DSCAM: variants seen among roughly 807,000 people sequenced by gnomAD.
The protein encoded by DSCAM is DS cell adhesion molecule.
In DSCAM, 47 loss-of-function variants were observed where a neutral mutation model predicts 217.7. The ratio of observed to expected loss-of-function variants is 0.22; its 90% CI spans 0.17 to 0.28. The LOEUF (loss-of-function observed/expected upper bound fraction) is 0.28, where lower values mean the gene tolerates loss of function less well. Ranked by LOEUF, DSCAM falls within the 10% of genes least tolerant of loss-of-function variation. The pLI, the probability that DSCAM is intolerant of heterozygous loss-of-function variation, is 1.00. For synonymous variants in DSCAM, 1,056 were observed against 1,015.3 expected, an observed-to-expected ratio of 1.04 and a Z score of -0.76; for missense variants, 2,080 against 2,618.3, an observed-to-expected ratio of 0.79 and a Z score of 4.49.
At chr21:40,823,967 A>G (rs1383858839) in intron 1 of DSCAM, among the ~76,000 whole-genome samples, 1 of 152,172 alleles carries the variant, frequency 6.6e-6, no homozygotes, top group Non-Finnish European at 1.5e-5. Flanking sequence ...AAGAAAAAAA[A>G]AAAGTAGGCA....
At chr21:40,127,991 C>G (rs559986601) in intron 19 of DSCAM, among the ~76,000 whole-genome samples, 5 of 152,068 alleles carry the variant, frequency 3.3e-5, no homozygotes, top group South Asian at 4.2e-4. Context: ...CCTGGCAACT[C>G]TTACTCATCT....
intron 14 of DSCAM, among the ~76,000 whole-genome samples, chr21:40,185,057 T>C (rs767382567): frequency 3.9e-5 from 6 of 152,084 alleles, no homozygotes; most frequent in Non-Finnish European, 7.3e-5. Context: ...TGGGTGAAAA[T>C]AGACCTACTA....
intron 3 of DSCAM, among the ~76,000 whole-genome samples, chr21:40,616,788 C>T (rs1194775760): frequency 6.6e-6 from 1 of 151,956 alleles, no homozygotes; most frequent in Non-Finnish European, 1.5e-5. Flanking sequence ...GAGGCCGAGG[C>T]GAGCGGATCA....
At chr21:40,687,105 T>C (rs2090487714) in intron 3 of DSCAM, among the ~76,000 whole-genome samples, 1 of 152,124 alleles carries the variant, frequency 6.6e-6, no homozygotes, top group Non-Finnish European at 1.5e-5. Flanking sequence ...CTAAAAGCAA[T>C]ATAAATAGAA....
intron 20 of DSCAM, among the ~76,000 whole-genome samples, chr21:40,112,602 C>A (rs997055967): frequency 6.6e-6 from 1 of 151,926 alleles, no homozygotes; most frequent in African/African-American, 2.4e-5. Context: ...AACAAAAAAC[C>A]CTTGAAAAAA....
intron 10 of DSCAM, among the ~76,000 whole-genome samples, chr21:40,286,844 CTG>C (rs66462147): frequency 0.97 from 145,263 of 149,968 alleles, 70,279 homozygotes; most frequent in Non-Finnish European, 0.98. Flanking sequence ...GCAGTATGAT[CTG>C]CAGGTATCTG....
At chr21:40,502,274 A>G (rs902211029) in intron 3 of DSCAM, among the ~76,000 whole-genome samples, 1 of 152,220 alleles carries the variant, frequency 6.6e-6, no homozygotes, top group African/African-American at 2.4e-5. Context: ...AAAATTTGCT[A>G]TGGACACAAA....
chr21:40,698,831 A>T (rs7279159), intron 2 of DSCAM, among the ~76,000 whole-genome samples: 6,789 of 149,080 alleles, frequency 0.046, 208 homozygotes, highest in East Asian at 0.12. Context: ...GATTGCGCCA[A>T]TGCACTCCAG....
intron 32 of DSCAM, among the ~76,000 whole-genome samples, chr21:40,025,639 A>G (rs2088364505): frequency 6.6e-6 from 1 of 150,446 alleles, no homozygotes; most frequent in Non-Finnish European, 1.5e-5. Context: ...TTTCTTCTAG[A>G]TTTTCTAGTT....
At chr21:40,291,527 C>T (rs2073891936) in intron 10 of DSCAM, among the ~76,000 whole-genome samples, 1 of 152,198 alleles carries the variant, frequency 6.6e-6, no homozygotes, top group Non-Finnish European at 1.5e-5. Context: ...TTCACTAACT[C>T]TGCCACAGCT....
intron 3 of DSCAM, among the ~76,000 whole-genome samples, chr21:40,433,689 G>C (rs1274916840): frequency 6.6e-6 from 1 of 152,140 alleles, no homozygotes; most frequent in African/African-American, 2.4e-5. Context: ...ACTTGAAATA[G>C]GTGACATCAT....
rs1488420326 is a variant in DSCAM, at chr21:40,699,092, T to C, written c.362-6136A>G. Among the ~76,000 whole-genome samples the C allele has an allele frequency of 3.3e-5, 5 of 152,310 alleles. No individual in the cohort carries two copies. The East Asian group carries it at 9.7e-4, about 29-fold the overall frequency. ...TCCAGCAGCATGAACTCACTTTGTG[T>C]CTCTGTGTCACATTTTGGTAATGCT... is the stretch of plus-strand genomic sequence containing the variant. On this transcript the variant is annotated intron_variant, in intron 2 of 32. Coordinates refer to ENST00000400454, the MANE Select transcript of DSCAM (RefSeq NM_001389.5).
chr21:40,511,096 GATTT>G (rs904762656), intron 3 of DSCAM, among the ~76,000 whole-genome samples: 5 of 152,076 alleles, frequency 3.3e-5, no homozygotes, highest in African/African-American at 1.2e-4. Flanking sequence ...ATAAAGGTTG[GATTT>G]ATTTGGGAGA....
At chr21:40,515,436 G>A (rs1231641674) in intron 3 of DSCAM, among the ~76,000 whole-genome samples, 2 of 152,100 alleles carry the variant, frequency 1.3e-5, no homozygotes, top group African/African-American at 2.4e-5. Context: ...TGAACAATTG[G>A]AGAGTAAACT....
At chr21:40,807,835 G>A (rs1355483370) in intron 1 of DSCAM, among the ~76,000 whole-genome samples, 1 of 152,096 alleles carries the variant, frequency 6.6e-6, no homozygotes, top group Non-Finnish European at 1.5e-5. Context: ...TTATCTGTCC[G>A]AGGGGTATTT....
intron 11 of DSCAM, among the ~76,000 whole-genome samples, chr21:40,262,595 C>A (rs745511600): frequency 6.6e-6 from 1 of 152,202 alleles, no homozygotes; most frequent in Non-Finnish European, 1.5e-5. Flanking sequence ...CCCCAAATCA[C>A]CTAACACAAG....
chr21:40,044,598 G>A (rs778639912), intron 30 of DSCAM, among the ~76,000 whole-genome samples: 6 of 152,146 alleles, frequency 3.9e-5, no homozygotes, highest in Non-Finnish European at 7.3e-5. Flanking sequence ...GGAATGAGGG[G>A]AGACTGACAA....
At chr21:40,464,560 C>G (rs1020480486) in intron 3 of DSCAM, among the ~76,000 whole-genome samples, 2 of 152,054 alleles carry the variant, frequency 1.3e-5, no homozygotes, top group African/African-American at 4.8e-5. Context: ...GGAGTCATTG[C>G]GACTCTTCAG....
chr21:40,026,200 C>G (rs1473420226), intron 32 of DSCAM, among the ~76,000 whole-genome samples: 1 of 141,356 alleles, frequency 7.1e-6, no homozygotes. Context: ...GATTCTTAAT[C>G]CTGAGATCTA....
Sources: allele counts gnomAD v4.1 joint callset (sites outside exome capture counted in the v4.1 genomes callset), GRCh38; gene constraint gnomAD v4.1.1; transcripts MANE v1.5; gene names NCBI Gene and HGNC (gene_info 2026-07-23, HGNC 2026-07-21).